The following EDNRB variants were observed in gnomAD, a reference collection of about 807,000 sequenced individuals.
EDNRB encodes endothelin receptor type B, also known as Hirschsprung disease 2.
EDNRB carries 18 observed loss-of-function variants against 46.4 expected under a neutral mutation model. That is an observed-to-expected ratio of 0.39 (90% CI 0.27 to 0.57). The LOEUF is 0.57. Ranked by LOEUF, EDNRB falls within the 20% of genes least tolerant of loss-of-function variation. EDNRB has a pLI of 0.61. For synonymous variants in EDNRB, 213 were observed against 204.9 expected, an observed-to-expected ratio of 1.04 and a Z score of -0.34; for missense variants, 434 against 537.5, an observed-to-expected ratio of 0.81 and a Z score of 1.90.
chr13:77,949,807 A>T (rs1881036833), intron 1 of EDNRB, among the ~76,000 whole-genome samples: 1 of 152,162 alleles, frequency 6.6e-6, no homozygotes, highest in Admixed American at 6.6e-5. Context: ...TGCCTCAACT[A>T]AATGCCCTTG....
intron 1 of EDNRB, among the ~76,000 whole-genome samples, chr13:77,974,768 T>A (rs563879765): frequency 9.2e-5 from 14 of 152,260 alleles, no homozygotes; most frequent in African/African-American, 3.4e-4. Flanking sequence ...TGCCATACCT[T>A]TGAAACAAGG....
rs184002285 is a variant in EDNRB, at chr13:77,901,029, C to T, written c.951+29G>A. On this transcript the variant is annotated intron_variant, in intron 4 of 6. Transcript: ENST00000646607. ...ATATTCATAATTATAAATTCAACCA[C>T]GAGTTATCAAATATTTGTATTTTCT... is the stretch of plus-strand genomic sequence containing the variant. The T allele has an allele frequency of 8.2e-5, 131 of 1,606,558 alleles. 1 individual carries two copies. In the Middle Eastern group the frequency reaches 1.3e-3, roughly 15 times the overall value.
chr13:77,935,846 G>T (rs2137658893), intron 1 of EDNRB, among the ~76,000 whole-genome samples: 1 of 152,312 alleles, frequency 6.6e-6, no homozygotes. Context: ...GTGGAGGGAG[G>T]TATTGAGAAT....
chr13:77,958,524 C>T (rs929928510), intron 1 of EDNRB, among the ~76,000 whole-genome samples: 1 of 152,232 alleles, frequency 6.6e-6, no homozygotes, highest in Non-Finnish European at 1.5e-5. Context: ...GGGCACCCAC[C>T]ACCACACCTG....
At chr13:77,931,250 TG>T (rs1384568174) in intron 1 of EDNRB, among the ~76,000 whole-genome samples, 1 of 152,238 alleles carries the variant, frequency 6.6e-6, no homozygotes, top group African/African-American at 2.4e-5. Context: ...TATTAGAGTT[TG>T]TATTTAAAGT....
chr13:77,928,632 T>A (rs1303584093), intron 1 of EDNRB, among the ~76,000 whole-genome samples: 1 of 152,202 alleles, frequency 6.6e-6, no homozygotes, highest in African/African-American at 2.4e-5. Context: ...GCCAATGAAT[T>A]TGCCAGAAAA....
chr13:77,901,527 A>G (rs1566305651), intron 3 of EDNRB, among the ~76,000 whole-genome samples: 1 of 152,030 alleles, frequency 6.6e-6, no homozygotes, highest in African/African-American at 2.4e-5. Context: ...TTATCCTTAG[A>G]GTATTTTTTG....
chr13:77,933,743 G>A (rs976634946), intron 1 of EDNRB, among the ~76,000 whole-genome samples: 1 of 152,118 alleles, frequency 6.6e-6, no homozygotes, highest in Admixed American at 6.6e-5. Flanking sequence ...TGTTTCTCAG[G>A]GCTGCTTCGA....
At chr13:77,923,441 C>T (rs757891876), upstream of EDNRB, among the ~76,000 whole-genome samples, 12 of 152,160 alleles carry the variant, frequency 7.9e-5, no homozygotes, top group African/African-American at 1.9e-4. Flanking sequence ...GGACCTGTGC[C>T]GTCTTGGTTT....
At chr13:77,959,182 TG>T (rs1881326845) in intron 1 of EDNRB, among the ~76,000 whole-genome samples, 1 of 152,200 alleles carries the variant, frequency 6.6e-6, no homozygotes, top group African/African-American at 2.4e-5. Context: ...CTGACAGCTT[TG>T]AAGAGAGTAG....
At chr13:77,911,433 G>A (rs1007953690) in intron 1 of EDNRB, among the ~76,000 whole-genome samples, 3 of 152,014 alleles carry the variant, frequency 2.0e-5, no homozygotes, top group East Asian at 1.9e-4. Flanking sequence ...CTGAGTGAGT[G>A]GGAAGAAGAC....
At chr13:77,946,755 A>T (rs1176531488) in intron 1 of EDNRB, among the ~76,000 whole-genome samples, 1 of 152,230 alleles carries the variant, frequency 6.6e-6, no homozygotes, top group Non-Finnish European at 1.5e-5. Context: ...TGTGGAAGAC[A>T]AGGGAAATAC....
upstream of EDNRB, among the ~76,000 whole-genome samples, chr13:77,922,467 C>T (rs1251473808): frequency 6.6e-6 from 1 of 152,076 alleles, no homozygotes; most frequent in South Asian, 2.1e-4. Flanking sequence ...AATGAATGTG[C>T]CCTCAAAACC....
At chr13:77,923,703 T>C (rs1380946185), upstream of EDNRB, among the ~76,000 whole-genome samples, 2 of 152,132 alleles carry the variant, frequency 1.3e-5, no homozygotes, top group East Asian at 3.9e-4. Context: ...TGTGAAATAG[T>C]CAAAATAGGT....
Position 77,903,596 on chromosome 13 carries a change from C to T in EDNRB, c.495G>A (p.Glu165=), listed in dbSNP as rs777080410. The change falls in exon 2 of 7, where the codon GAG becomes GAA. Residue 165 remains glutamate, a synonymous_variant. Transcript: ENST00000646607. ...IPINVYKLLA[E]DWPFGAEMCK... is the part of the protein sequence containing the mutation. ...ACATCTCAGCTCCAAATGGCCAGTC[C>T]TCTGCCAGCAGCTGCATTGAGAAGA... 2 of 1,612,626 alleles carry T rather than the reference C, an allele frequency of 1.2e-6. No individual in the cohort carries two copies. Among genetic ancestry groups the T allele is most frequent in the South Asian group, 2.2e-5 (2 of 91,040 alleles).
rs1025992305 is a variant in EDNRB at position 77,967,411 on chromosome 13, G to A, written c.-52+7936C>T. Among the ~76,000 whole-genome samples, 14 of 152,206 alleles carry A rather than the reference G, an allele frequency of 9.2e-5. No homozygotes were observed. The South Asian group carries it at 1.9e-3, about 20-fold the overall frequency. On this transcript the variant is annotated intron_variant, in intron 1 of 7. Coordinates refer to the EDNRB transcript ENST00000646948. ...TCTTTCTTTAAACCCTGAATTTCCC[G>A]AAGAAGTATTTGTCTTATAATAGTG...
chr13:77,951,889 G>A (rs1422639845), intron 1 of EDNRB, among the ~76,000 whole-genome samples: 1 of 152,142 alleles, frequency 6.6e-6, no homozygotes, highest in African/African-American at 2.4e-5. Context: ...CTTACCCAAA[G>A]TCGTCCAATC....
intron 3 of EDNRB, among the ~76,000 whole-genome samples, chr13:77,902,900 C>T (rs541400047): frequency 6.6e-6 from 1 of 152,070 alleles, no homozygotes; most frequent in South Asian, 2.1e-4. Flanking sequence ...GCTATAAATT[C>T]ACATCAATTC....
At chr13:77,969,063 G>A (rs968204491) in intron 1 of EDNRB, among the ~76,000 whole-genome samples, 1 of 152,224 alleles carries the variant, frequency 6.6e-6, no homozygotes, top group East Asian at 1.9e-4. Context: ...ACTGAAAAAT[G>A]GCTTCTTAAA....
Sources: gnomAD v4.1 joint callset for allele counts (sites outside exome capture counted in the v4.1 genomes callset) on GRCh38, gnomAD v4.1.1 for gene constraint, MANE v1.5 for transcripts, NCBI Gene and HGNC (gene_info 2026-07-23, HGNC 2026-07-21) for gene names.